TFEC: variants seen among roughly 807,000 people sequenced by gnomAD.
TFEC encodes transcription factor EC.
In TFEC, 31 loss-of-function variants were observed where a neutral mutation model predicts 41.6. That is an observed-to-expected ratio of 0.74 (90% CI 0.56 to 1.01). The LOEUF (loss-of-function observed/expected upper bound fraction) is 1.01. Ranked by LOEUF, TFEC falls within the 50% of genes least tolerant of loss-of-function variation. The pLI, the probability that TFEC is intolerant of heterozygous loss-of-function variation, is 0.00. For synonymous variants in TFEC, 143 were observed against 140.6 expected, an observed-to-expected ratio of 1.02 and a Z score of -0.12; for missense variants, 402 against 404.1, an observed-to-expected ratio of 0.99 and a Z score of 0.04.
In TFEC at chr7:116,002,152, T is replaced by A. The variant is rs538678654; in HGVS notation, c.-72-17639A>T. 2.6e-4 allele frequency among the ~76,000 whole-genome samples: 39 copies of A among 152,304 alleles called. 1 individual carries two copies. Among genetic ancestry groups the A allele is most frequent in the Non-Finnish European group, 5.9e-5 (4 of 68,018 alleles). On this transcript the variant is annotated intron_variant, in intron 1 of 7. Coordinates refer to ENST00000265440, the MANE Select transcript of TFEC (RefSeq NM_012252.4). Reference sequence around the variant, plus strand: ...ACCAACTAAAAATAGAGTCACCATATGATCCAGCAACCCCCTGCAAGGTAT... The same window carrying A: ...ACCAACTAAAAATAGAGTCACCATAAGATCCAGCAACCCCCTGCAAGGTAT...
At chr7:116,119,646 T>C (rs1425679135) in intron 1 of TFEC, among the ~76,000 whole-genome samples, 1 of 151,676 alleles carries the variant, frequency 6.6e-6, no homozygotes, top group African/African-American at 2.4e-5. Flanking sequence ...GGGAGGTAAA[T>C]GAAGTGGAAA....
chr7:116,083,474 C>T (rs1797135572), intron 3 of TFEC, among the ~76,000 whole-genome samples: 2 of 151,756 alleles, frequency 1.3e-5, no homozygotes. Flanking sequence ...CTATTGTGAT[C>T]ATCAAGTAAA....
intron 3 of TFEC, among the ~76,000 whole-genome samples, chr7:116,076,206 C>T (rs1796956344): frequency 6.6e-6 from 1 of 152,168 alleles, no homozygotes; most frequent in Admixed American, 6.5e-5. Flanking sequence ...CAAGAAGCCC[C>T]ATTCCTAGGG....
intron 1 of TFEC, among the ~76,000 whole-genome samples, chr7:116,148,970 T>C (rs1276904198): frequency 6.7e-6 from 1 of 149,310 alleles, no homozygotes; most frequent in Non-Finnish European, 1.5e-5. Context: ...TAAGGGTAAA[T>C]GGATCCAGAA....
chr7:116,153,283 T>C (rs964636362), intron 1 of TFEC, among the ~76,000 whole-genome samples: 1 of 152,070 alleles, frequency 6.6e-6, no homozygotes, highest in Non-Finnish European at 1.5e-5. Flanking sequence ...TGAGACAGAG[T>C]CTCGTTCTGT....
At chr7:116,151,544 T>C (rs2116465848) in intron 1 of TFEC, among the ~76,000 whole-genome samples, 1 of 152,250 alleles carries the variant, frequency 6.6e-6, no homozygotes, top group South Asian at 2.1e-4. Flanking sequence ...TGCCCAGACC[T>C]AGCTGTTGAA....
chr7:115,968,034 T>C (rs1427586983), intron 3 of TFEC: 3 of 682,992 alleles, frequency 4.4e-6, no homozygotes, highest in Non-Finnish European at 6.4e-6. Context: ...GTAAGCATGC[T>C]TGTCAATACA....
intron 1 of TFEC, among the ~76,000 whole-genome samples, chr7:116,115,076 G>A (rs1408301817): frequency 6.6e-6 from 1 of 151,960 alleles, no homozygotes; most frequent in Admixed American, 6.6e-5. Context: ...CTTTTTAAAA[G>A]CTGTTAGAGG....
At chr7:116,079,065 T>C (rs1355543345) in intron 3 of TFEC, among the ~76,000 whole-genome samples, 1 of 151,808 alleles carries the variant, frequency 6.6e-6, no homozygotes, top group Non-Finnish European at 1.5e-5. Context: ...ATAAGAGGAA[T>C]TAAAAACAAA....
intron 1 of TFEC, among the ~76,000 whole-genome samples, chr7:116,148,992 T>A (rs560960815): frequency 5.5e-4 from 84 of 151,660 alleles, no homozygotes; most frequent in Non-Finnish European, 1.0e-3. Flanking sequence ...GAATGATTGA[T>A]AGAGTAAAAA....
chr7:116,021,339 G>A lies in TFEC; in HGVS notation c.-73+9294C>T, dbSNP rs914807231. 2.0e-5 allele frequency among the ~76,000 whole-genome samples: 3 copies of A among 152,210 alleles called. 1 individual carries two copies. The highest frequency in any genetic ancestry group is 7.2e-5 in the African/African-American group (3 of 41,462). On this transcript the variant is annotated intron_variant, in intron 1 of 7. Coordinates refer to ENST00000265440, the MANE Select transcript of TFEC (RefSeq NM_012252.4). ...CCCAATATCTGAGAAGTCATTTGCT[G>A]TTATAAATCTATTATCAGTGCTTCA...
At chr7:116,024,150 T>C (rs1795501854) in intron 1 of TFEC, among the ~76,000 whole-genome samples, 1 of 152,160 alleles carries the variant, frequency 6.6e-6, no homozygotes, top group Admixed American at 6.6e-5. Context: ...CCATGTTACC[T>C]CTACAACTAC....
intron 3 of TFEC, among the ~76,000 whole-genome samples, chr7:116,070,971 A>C (rs1796813372): frequency 6.6e-6 from 1 of 151,318 alleles, no homozygotes; most frequent in Admixed American, 6.6e-5. Flanking sequence ...GCACAATCAA[A>C]TCGACTTGAA....
chr7:115,940,945 C>T lies in TFEC; in HGVS notation c.664-14G>A, dbSNP rs573231177. On this transcript the variant is annotated splice_polypyrimidine_tract_variant and intron_variant, in intron 7 of 7. Coordinates refer to ENST00000265440, the MANE Select transcript of TFEC (RefSeq NM_012252.4). Reference sequence around the variant, plus strand: ...AATTTCTAGTTCCTGTAATTTCAAACGAAAATCATTAAATAATGTCTTTGA... The same window carrying T: ...AATTTCTAGTTCCTGTAATTTCAAATGAAAATCATTAAATAATGTCTTTGA... 6.8e-5 allele frequency: 105 copies of T among 1,542,012 alleles called. 1 individual carries two copies. The East Asian group carries it at 1.4e-3, about 20-fold the overall frequency.
intron 3 of TFEC, among the ~76,000 whole-genome samples, chr7:116,098,811 A>T (rs924611471): frequency 6.6e-6 from 1 of 151,890 alleles, no homozygotes; most frequent in African/African-American, 2.4e-5. Flanking sequence ...CCTTGATACC[A>T]AAACCAGACA....
intron 3 of TFEC, among the ~76,000 whole-genome samples, chr7:116,100,545 C>T (rs1384309403): frequency 6.6e-6 from 1 of 151,860 alleles, no homozygotes; most frequent in African/African-American, 2.4e-5. Context: ...TGTAGTATTG[C>T]CAATTACCAT....
intron 3 of TFEC, among the ~76,000 whole-genome samples, chr7:116,068,402 G>T (rs1476022661): frequency 2.0e-5 from 3 of 151,764 alleles, no homozygotes; most frequent in Non-Finnish European, 2.9e-5. Context: ...GGGTAGGAAA[G>T]TAAATTGTAA....
At chr7:116,029,947 T>A (rs1249577083) in intron 1 of TFEC, among the ~76,000 whole-genome samples, 1 of 151,080 alleles carries the variant, frequency 6.6e-6, no homozygotes, top group African/African-American at 2.4e-5. Context: ...ATGCCTGTAA[T>A]CCCAGCTACT....
chr7:116,026,340 ACCCT>A (rs1795584510), intron 1 of TFEC, among the ~76,000 whole-genome samples: 2 of 152,056 alleles, frequency 1.3e-5, no homozygotes, highest in African/African-American at 4.8e-5. Context: ...TTCTCTTTGA[ACCCT>A]TTCCAGATTG....
Sources: gnomAD v4.1 joint callset for allele counts (sites outside exome capture counted in the v4.1 genomes callset) on GRCh38, gnomAD v4.1.1 for gene constraint, MANE v1.5 for transcripts, NCBI Gene and HGNC (gene_info 2026-07-23, HGNC 2026-07-21) for gene names.